NLGN1: variants seen among roughly 807,000 people sequenced by gnomAD.
NLGN1 encodes neuroligin 1.
Under a neutral mutation model 65.5 loss-of-function variants are expected in NLGN1, and 12 were observed. That is an observed-to-expected ratio of 0.18 (90% CI 0.12 to 0.30). NLGN1 has a LOEUF of 0.30. Ranked by LOEUF, NLGN1 falls within the 10% of genes least tolerant of loss-of-function variation. The probability of loss-of-function intolerance (pLI) is 1.00; values close to 1 mark genes in which losing one functional copy is unlikely to be tolerated. For synonymous variants in NLGN1, 350 were observed against 359.5 expected, an observed-to-expected ratio of 0.97 and a Z score of 0.30; for missense variants, 750 against 1,007.1, an observed-to-expected ratio of 0.74 and a Z score of 3.46.
In NLGN1 at chr3:173,544,259, C is replaced by CGTGTGTGTGTGT. The variant is rs3980148; in HGVS notation, c.-320-59998_-320-59987dup. On this transcript the variant is annotated intron_variant, in intron 2 of 6. Coordinates refer to ENST00000457714, the Ensembl canonical transcript of NLGN1. ...GTAGTAAAGTACCAAGATTATATTA[C>CGTGTGTGTGTGT]GTGTGTGTGTGTGTGTGTGTGTGTG... Among the ~76,000 whole-genome samples the CGTGTGTGTGTGT allele has an allele frequency of 5.6e-3, 814 of 144,206 alleles. 8 individuals are homozygous for CGTGTGTGTGTGT. Among genetic ancestry groups the CGTGTGTGTGTGT allele is most frequent in the African/African-American group, 0.018 (704 of 38,314 alleles). The allele number at this position is 144,206 out of a possible 152,430, so 94.6% of individuals were successfully genotyped here. A position where few individuals can be genotyped will look rare whatever the true frequency, so the allele number is the denominator to read the frequency against.
chr3:173,811,008 C>A (rs556385645), intron 4 of NLGN1, among the ~76,000 whole-genome samples: 1 of 152,150 alleles, frequency 6.6e-6, no homozygotes, highest in African/African-American at 2.4e-5. Flanking sequence ...AACCTCACTC[C>A]CCAGTTTCAT....
At chr3:173,866,952 T>C (rs1578877578) in intron 4 of NLGN1, among the ~76,000 whole-genome samples, 1 of 152,274 alleles carries the variant, frequency 6.6e-6, no homozygotes, top group South Asian at 2.1e-4. Flanking sequence ...AATGTAAGAA[T>C]TATACCATTC....
At chr3:173,428,518 T>C (rs1716567771) in intron 1 of NLGN1, among the ~76,000 whole-genome samples, 2 of 151,900 alleles carry the variant, frequency 1.3e-5, no homozygotes. Context: ...TGATGGCAAC[T>C]TAACTTTGAC....
At chr3:173,542,906 A>G (rs1739136358) in intron 2 of NLGN1, among the ~76,000 whole-genome samples, 1 of 152,132 alleles carries the variant, frequency 6.6e-6, no homozygotes, top group Non-Finnish European at 1.5e-5. Flanking sequence ...GTTGTAGCTG[A>G]TGTGACTGAT....
chr3:173,464,636 T>A (rs192082314), intron 2 of NLGN1, among the ~76,000 whole-genome samples: 3 of 151,988 alleles, frequency 2.0e-5, no homozygotes, highest in Non-Finnish European at 4.4e-5. Context: ...GGTTTCTCCA[T>A]GTTGGTCAGG....
chr3:173,457,426 A>G (rs1175479949), intron 2 of NLGN1, among the ~76,000 whole-genome samples: 1 of 152,074 alleles, frequency 6.6e-6, no homozygotes, highest in Non-Finnish European at 1.5e-5. Context: ...ACTTGAGTAA[A>G]ATAAATATGG....
rs544670106 is a variant in NLGN1, at chr3:173,834,860, C to G, written c.646+27028C>G. ...TTCATCAAGGGAAAAAGGGCACTTACGAAACTCAACAGGGGATATAACAGA... is the reference window on the plus strand; with the variant it reads ...TTCATCAAGGGAAAAAGGGCACTTAGGAAACTCAACAGGGGATATAACAGA... On this transcript the variant is annotated intron_variant, in intron 4 of 6. Coordinates refer to ENST00000457714, the Ensembl canonical transcript of NLGN1. Among the ~76,000 whole-genome samples, 15 of 152,162 alleles carry G rather than the reference C, an allele frequency of 9.9e-5. No homozygotes were observed. The South Asian group carries it at 2.5e-3, about 25-fold the overall frequency.
At chr3:173,988,775 A>G (rs1330319781) in intron 4 of NLGN1, among the ~76,000 whole-genome samples, 1 of 152,112 alleles carries the variant, frequency 6.6e-6, no homozygotes, top group Admixed American at 6.6e-5. Context: ...TCTTCAATTG[A>G]ATGGATTGAT....
chr3:173,613,864 G>T (rs897235921), intron 3 of NLGN1, among the ~76,000 whole-genome samples: 2 of 151,918 alleles, frequency 1.3e-5, no homozygotes, highest in African/African-American at 4.8e-5. Context: ...TGGAGTCATT[G>T]TAACCATAAT....
chr3:173,663,634 A>G (rs1484684253), intron 3 of NLGN1, among the ~76,000 whole-genome samples: 2 of 151,968 alleles, frequency 1.3e-5, no homozygotes, highest in Non-Finnish European at 2.9e-5. Flanking sequence ...CCACAAATGA[A>G]TCAGAAAAAA....
chr3:174,250,208 C>T lies in NLGN1; in HGVS notation c.647-25107C>T, dbSNP rs150452385. ...AATCAGGGCTATTATATCAATTAAA[C>T]GAAACATGATATGCAAGTACTTAGC... is the stretch of plus-strand genomic sequence containing the variant. On this transcript the variant is annotated intron_variant, in intron 4 of 6. Coordinates refer to ENST00000457714, the Ensembl canonical transcript of NLGN1. Among the ~76,000 whole-genome samples, 485 of 152,152 alleles carry T rather than the reference C, an allele frequency of 3.2e-3. 1 individual carries two copies. Among genetic ancestry groups the T allele is most frequent in the African/African-American group, 0.01 (434 of 41,508 alleles).
chr3:173,790,508 C>T (rs374340188), intron 3 of NLGN1, among the ~76,000 whole-genome samples: 141 of 152,012 alleles, frequency 9.3e-4, no homozygotes, highest in African/African-American at 3.1e-3. Context: ...TGAATTGTTA[C>T]GAAAATTTTA....
At chr3:174,167,969 AT>A (rs774187299) in intron 4 of NLGN1, among the ~76,000 whole-genome samples, 1 of 151,144 alleles carries the variant, frequency 6.6e-6, no homozygotes, top group Non-Finnish European at 1.5e-5. Flanking sequence ...CACTGAAATT[AT>A]TTTTTCTGTT....
At chr3:173,907,804 C>A (rs1192874535) in intron 4 of NLGN1, among the ~76,000 whole-genome samples, 1 of 151,880 alleles carries the variant, frequency 6.6e-6, no homozygotes, top group Non-Finnish European at 1.5e-5. Context: ...AGGCTGGTCT[C>A]GAACTCCTGA....
In NLGN1 at chr3:173,876,393, T is replaced by C. The variant is rs553021751; in HGVS notation, c.646+68561T>C. On this transcript the variant is annotated intron_variant, in intron 4 of 6. Coordinates refer to ENST00000457714, the Ensembl canonical transcript of NLGN1. ...TTTAATTAATTCTAATTAATTAAAA[T>C]AATGTTCAGGGTTTGTTTGTTTGCA... is the stretch of plus-strand genomic sequence containing the variant. 7.8e-4 allele frequency among the ~76,000 whole-genome samples: 119 copies of C among 152,338 alleles called. 1 individual carries two copies. Among genetic ancestry groups the C allele is most frequent in the Non-Finnish European group, 1.1e-3 (73 of 68,018 alleles).
At chr3:173,533,548 G>A (rs576973072) in intron 2 of NLGN1, among the ~76,000 whole-genome samples, 3 of 152,246 alleles carry the variant, frequency 2.0e-5, no homozygotes, top group African/African-American at 7.2e-5. Context: ...GTTCTCCCAT[G>A]GCTCTCTCAG....
At chr3:173,774,757 A>T (rs1780053450) in intron 3 of NLGN1, among the ~76,000 whole-genome samples, 1 of 151,702 alleles carries the variant, frequency 6.6e-6, no homozygotes, top group Non-Finnish European at 1.5e-5. Context: ...TCTCATTTGC[A>T]TTTTTTTCTT....
chr3:173,641,058 A>G (rs1319464636), intron 3 of NLGN1, among the ~76,000 whole-genome samples: 2 of 152,152 alleles, frequency 1.3e-5, no homozygotes, highest in Non-Finnish European at 2.9e-5. Flanking sequence ...GAGATATTTT[A>G]AGATAGTGTA....
intron 4 of NLGN1, among the ~76,000 whole-genome samples, chr3:174,085,633 G>C (rs1215683039): frequency 6.6e-6 from 1 of 151,946 alleles, no homozygotes; most frequent in Non-Finnish European, 1.5e-5. Flanking sequence ...ATCCTTCATA[G>C]CAGAAGATTA....
Sources: gnomAD v4.1 joint callset for allele counts (sites outside exome capture counted in the v4.1 genomes callset) on GRCh38, gnomAD v4.1.1 for gene constraint, MANE v1.5 for transcripts, NCBI Gene and HGNC (gene_info 2026-07-23, HGNC 2026-07-21) for gene names.